ZHX2: variants seen among roughly 807,000 people sequenced by gnomAD.
The protein encoded by ZHX2 is zinc fingers and homeoboxes 2.
A neutral mutation model predicts 21.9 loss-of-function variants in ZHX2; 6 were observed. The ratio of observed to expected loss-of-function variants is 0.27; its 90% CI spans 0.15 to 0.54. The LOEUF is 0.54. ZHX2 is among the 20% of genes least tolerant of loss of function. The pLI is 0.95. For synonymous variants in ZHX2, 434 were observed against 437.1 expected (o/e 0.99, Z 0.09); for missense variants, 908 against 1,090.7 (o/e 0.83, Z 2.36).
Position 122,953,539 on chromosome 8 carries a change from A to G in ZHX2, c.2029A>G (p.Lys677Glu). ...LVRTEIVRWF[K>E]ENRCLLKTGT... is the part of the protein sequence containing the mutation. ...CCGAACTGAGATTGTGCGTTGGTTCAAGGAGAACAGATGCTTGCTGAAAAC... is the reference window on the plus strand; with the variant it reads ...CCGAACTGAGATTGTGCGTTGGTTCGAGGAGAACAGATGCTTGCTGAAAAC... Residue 677 changes from lysine (K) to glutamate (E), a missense_variant, in exon 3 of 4, where the codon AAG becomes GAG. Transcript: ENST00000314393. This position sits in a 1 kb window ranked among gnomAD's most constrained non-coding sequence, Gnocchi z 4.6. The G allele has an allele frequency of 6.2e-7, 1 of 1,614,244 alleles. No homozygotes were observed. The highest frequency in any genetic ancestry group is 2.2e-5 in the East Asian group (1 of 44,876).
At chr8:122,843,216 A>G (rs1486418534) in intron 1 of ZHX2, among the ~76,000 whole-genome samples, 1 of 152,238 alleles carries the variant, frequency 6.6e-6, no homozygotes, top group Non-Finnish European at 1.5e-5. Context: ...GATGTCCTAA[A>G]TCAGTATTTC....
intron 1 of ZHX2, among the ~76,000 whole-genome samples, chr8:122,801,019 C>T (rs1314146261): frequency 6.6e-6 from 1 of 152,208 alleles, no homozygotes; most frequent in African/African-American, 2.4e-5. Flanking sequence ...ATAACTTTAA[C>T]AGCATAAAAG....
At chr8:122,817,544 G>C (rs1818062397) in intron 1 of ZHX2, among the ~76,000 whole-genome samples, 1 of 152,230 alleles carries the variant, frequency 6.6e-6, no homozygotes, top group Admixed American at 6.5e-5. Flanking sequence ...CTGCAAAGAG[G>C]GTTTCAGAGG....
chr8:122,894,286 A>G (rs1419207442), intron 2 of ZHX2, among the ~76,000 whole-genome samples: 1 of 152,206 alleles, frequency 6.6e-6, no homozygotes, highest in Non-Finnish European at 1.5e-5. Context: ...ATTACCCTGT[A>G]CCACCCAGTT....
intron 2 of ZHX2, among the ~76,000 whole-genome samples, chr8:122,932,330 G>A (rs1821014207): frequency 6.6e-6 from 1 of 152,154 alleles, no homozygotes; most frequent in South Asian, 2.1e-4. Flanking sequence ...ATTTCTGGAG[G>A]TCAGATGTCA....
chr8:122,871,360 G>A (rs972624825), intron 2 of ZHX2, among the ~76,000 whole-genome samples: 1 of 151,860 alleles, frequency 6.6e-6, no homozygotes, highest in Middle Eastern at 3.2e-3. Context: ...AAAAAATGAT[G>A]AGTTCATGTC....
chr8:122,885,824 A>G (rs1819828058), intron 2 of ZHX2, among the ~76,000 whole-genome samples: 1 of 152,176 alleles, frequency 6.6e-6, no homozygotes, highest in Non-Finnish European at 1.5e-5. Flanking sequence ...AGGAATAGGT[A>G]ATTCTTTTGA....
At chr8:122,867,682 A>G (rs1327370539) in intron 2 of ZHX2, among the ~76,000 whole-genome samples, 3 of 152,156 alleles carry the variant, frequency 2.0e-5, no homozygotes, top group African/African-American at 7.2e-5. Context: ...TGATCTGTAA[A>G]ATGGGGAAAT....
chr8:122,814,665 G>A (rs1817994052), intron 1 of ZHX2, among the ~76,000 whole-genome samples: 1 of 152,238 alleles, frequency 6.6e-6, no homozygotes, highest in African/African-American at 2.4e-5. Flanking sequence ...TCAGCCCTGA[G>A]CAGGTTCTTC....
In ZHX2 at chr8:122,951,609, A is replaced by G. The variant is rs2130274896; in HGVS notation, c.99A>G (p.Lys33=). The change falls in exon 3 of 4, where the codon AAA becomes AAG. Residue 33 remains lysine (K), a synonymous_variant. Transcript: ENST00000314393. The part of the protein sequence containing the change: ...VPEEVDRAKE[K]GIGTPQPDVA... ...AGGAAGTAGACAGGGCCAAAGAGAA[A>G]GGAATCGGCACACCACAGCCTGACG... 3.1e-6 allele frequency: 5 copies of G among 1,614,062 alleles called. No homozygotes were observed. The highest frequency in any genetic ancestry group is 4.2e-6 in the Non-Finnish European group (5 of 1,179,996).
intron 3 of ZHX2, among the ~76,000 whole-genome samples, chr8:122,972,826 GC>G (rs1353641190): frequency 1.3e-5 from 2 of 152,152 alleles, no homozygotes; most frequent in African/African-American, 4.8e-5. Flanking sequence ...TATAGGTACA[GC>G]CCTGCAGCCA....
At chr8:122,900,144 T>A (rs1433341583) in intron 2 of ZHX2, among the ~76,000 whole-genome samples, 1 of 152,214 alleles carries the variant, frequency 6.6e-6, no homozygotes, top group Non-Finnish European at 1.5e-5. Context: ...TAGTCCATTT[T>A]GTGTTGCTAT....
intron 1 of ZHX2, among the ~76,000 whole-genome samples, chr8:122,825,039 AC>A (rs893121163): frequency 6.6e-6 from 1 of 152,166 alleles, no homozygotes; most frequent in Non-Finnish European, 1.5e-5. Context: ...CATTGAGCCT[AC>A]CTGGTTAAGC....
rs190670244 is a variant in ZHX2 at position 122,877,718 on chromosome 8, G to A, written c.-220+14179G>A. The stretch of plus-strand genomic sequence containing the variant: ...AGTGGCTGCAGGTGACTTGAAGGCT[G>A]ATGCATTTTCATGGACTGAGAGGAT... On this transcript the variant is annotated intron_variant, in intron 2 of 3. Transcript: ENST00000314393. Among the ~76,000 whole-genome samples, 8 of 152,284 alleles carry A rather than the reference G, an allele frequency of 5.3e-5. No individual in the cohort carries two copies. The East Asian group carries it at 9.6e-4, about 18-fold the overall frequency.
intron 1 of ZHX2, among the ~76,000 whole-genome samples, chr8:122,825,960 C>T (rs1818257461): frequency 6.6e-6 from 1 of 152,164 alleles, no homozygotes; most frequent in Admixed American, 6.5e-5. Flanking sequence ...CTCAAGGATA[C>T]ATCTCACTTA....
At chr8:122,930,386 A>G (rs2130136574) in intron 2 of ZHX2, among the ~76,000 whole-genome samples, 1 of 152,330 alleles carries the variant, frequency 6.6e-6, no homozygotes, top group East Asian at 1.9e-4. Context: ...TTGCGGAAGA[A>G]TGGACAGCCC....
At chr8:122,906,379 G>T (rs1820347726) in intron 2 of ZHX2, among the ~76,000 whole-genome samples, 2 of 152,210 alleles carry the variant, frequency 1.3e-5, no homozygotes, top group Admixed American at 6.5e-5. Flanking sequence ...TAGGGGAATG[G>T]CTTATGCTAC....
chr8:122,800,115 C>G (rs1817688742), intron 1 of ZHX2, among the ~76,000 whole-genome samples: 1 of 152,204 alleles, frequency 6.6e-6, no homozygotes, highest in African/African-American at 2.4e-5. Flanking sequence ...CTCAGCCTCC[C>G]AAAGTGCTAG....
intron 1 of ZHX2, among the ~76,000 whole-genome samples, chr8:122,862,116 C>T (rs1485830959): frequency 6.6e-6 from 1 of 152,190 alleles, no homozygotes; most frequent in Admixed American, 6.5e-5. Context: ...CAGTGCCTCC[C>T]TCCCGGAGTG....
Sources: allele counts gnomAD v4.1 joint callset (sites outside exome capture counted in the v4.1 genomes callset), GRCh38; gene constraint gnomAD v4.1.1; non-coding constraint Gnocchi (gnomAD v3.1); transcripts MANE v1.5; gene names NCBI Gene and HGNC (gene_info 2026-07-23, HGNC 2026-07-21).